CNTN6: variants seen among roughly 807,000 people sequenced by gnomAD.
The protein encoded by CNTN6 is contactin-6.
Under a neutral mutation model 122.8 loss-of-function variants are expected in CNTN6, and 137 were observed. The ratio of observed to expected loss-of-function variants is 1.12; its 90% CI spans 0.97 to 1.29. The LOEUF is 1.29. Among genes scored for constraint, CNTN6 ranks in the 50% most tolerant of loss-of-function variants. The probability of loss-of-function intolerance (pLI) is 0.00; values close to 1 mark genes in which losing one functional copy is unlikely to be tolerated. For synonymous variants in CNTN6, 570 were observed against 426.0 expected (o/e 1.34, Z -4.16); for missense variants, 1,634 against 1,223.4 (o/e 1.34, Z -5.01).
rs547180115 is a variant in CNTN6 at position 1,261,375 on chromosome 3, G to A, written c.359-17038G>A. ...GGTAATTAATTGGTTGTCATTGTGG[G>A]CAATTGTGGCTCAGTACAGCTGAGT... On this transcript the variant is annotated intron_variant, in intron 4 of 22. Coordinates refer to ENST00000446702, the MANE Select transcript of CNTN6 (RefSeq NM_001289080.2). 4.6e-5 allele frequency among the ~76,000 whole-genome samples: 7 copies of A among 152,054 alleles called. No homozygotes were observed. In the South Asian group the frequency reaches 8.3e-4, roughly 18 times the overall value.
At chr3:1,315,076 G>C (rs560080007) in intron 7 of CNTN6, among the ~76,000 whole-genome samples, 1 of 152,122 alleles carries the variant, frequency 6.6e-6, no homozygotes, top group East Asian at 1.9e-4. Flanking sequence ...ACTGATATCT[G>C]TAGTTAAAAT....
intron 2 of CNTN6, among the ~76,000 whole-genome samples, chr3:1,205,661 A>T (rs35788907): frequency 0.16 from 25,060 of 152,220 alleles, 2,155 homozygotes; most frequent in Middle Eastern, 0.23. Flanking sequence ...CAAAATCATC[A>T]ATTTCAAAGA....
chr3:1,365,286 G>A (rs1708053403), intron 12 of CNTN6, among the ~76,000 whole-genome samples: 1 of 151,916 alleles, frequency 6.6e-6, no homozygotes, highest in Admixed American at 6.6e-5. Flanking sequence ...ATATCAGAAT[G>A]TATCTTTAAA....
intron 2 of CNTN6, among the ~76,000 whole-genome samples, chr3:1,211,075 C>T (rs2094030213): frequency 6.6e-6 from 1 of 152,208 alleles, no homozygotes. Context: ...CCCCAACTCA[C>T]ACTAATGGAA....
At chr3:1,287,933 G>C (rs1287501425) in intron 5 of CNTN6, among the ~76,000 whole-genome samples, 1 of 152,158 alleles carries the variant, frequency 6.6e-6, no homozygotes, top group African/African-American at 2.4e-5. Flanking sequence ...AAAATAGCCA[G>C]CTCTGAAGTA....
At chr3:1,287,174 C>G (rs1351967741) in intron 5 of CNTN6, among the ~76,000 whole-genome samples, 1 of 152,082 alleles carries the variant, frequency 6.6e-6, no homozygotes, top group East Asian at 1.9e-4. Context: ...AGAAAATTAA[C>G]AACGATATTC....
intron 2 of CNTN6, among the ~76,000 whole-genome samples, chr3:1,178,747 A>G (rs2093499738): frequency 6.6e-6 from 1 of 152,170 alleles, no homozygotes; most frequent in South Asian, 2.1e-4. Context: ...AAGTTTGAGC[A>G]ATGTAGTCAG....
Position 1,383,409 on chromosome 3 carries a change from G to C in CNTN6, c.2517+1G>C. 6.2e-7 allele frequency: 1 copy of C among 1,610,118 alleles called. No individual in the cohort carries two copies. The highest frequency in any genetic ancestry group is 2.2e-5 in the East Asian group (1 of 44,850). ...CACTGGAAGAGTGCTGGGCTATGAG[G>C]TAATCCACATTAATTTCACTTTTGC... On this transcript the variant is annotated splice_donor_variant, in intron 19 of 22. Coordinates refer to ENST00000446702, the MANE Select transcript of CNTN6 (RefSeq NM_001289080.2). LOFTEE classifies it high-confidence loss of function.
intron 11 of CNTN6, among the ~76,000 whole-genome samples, chr3:1,350,981 C>A (rs1179746563): frequency 6.6e-6 from 1 of 151,692 alleles, no homozygotes; most frequent in East Asian, 1.9e-4. Flanking sequence ...GGATCTAGTA[C>A]ACTAGACATC....
At position 1,291,564 on chromosome 3, in the gene CNTN6, G is replaced by A. The variant is rs560880374; in HGVS notation, c.455-4037G>A. ...ATAAGGATCCGTAAGCTGAGACATG[G>A]CCCTGGGAATTTGCTCAAGATTGTC... On this transcript the variant is annotated intron_variant, in intron 5 of 22. Coordinates refer to ENST00000446702, the MANE Select transcript of CNTN6 (RefSeq NM_001289080.2). Among the ~76,000 whole-genome samples, 256 of 152,284 alleles carry A rather than the reference G, an allele frequency of 1.7e-3. 1 individual carries two copies. The highest frequency in any genetic ancestry group is 2.6e-3 in the Non-Finnish European group (177 of 68,016).
intron 1 of CNTN6, among the ~76,000 whole-genome samples, chr3:1,139,728 C>T (rs2092565805): frequency 6.6e-6 from 1 of 152,100 alleles, no homozygotes; most frequent in Non-Finnish European, 1.5e-5. Flanking sequence ...ATCATCAGAA[C>T]AAATTTGTAG....
At chr3:1,302,044 ACACT>A (rs1697520970) in intron 7 of CNTN6, among the ~76,000 whole-genome samples, 1 of 152,226 alleles carries the variant, frequency 6.6e-6, no homozygotes, top group African/African-American at 2.4e-5. Flanking sequence ...AAAAGGCGAC[ACACT>A]CACTAGAAGA....
At chr3:1,194,459 A>C (rs1032023134) in intron 2 of CNTN6, among the ~76,000 whole-genome samples, 2 of 152,118 alleles carry the variant, frequency 1.3e-5, no homozygotes, top group East Asian at 1.9e-4. Context: ...TTTACATATA[A>C]ATCAGAAAAA....
At position 1,129,384 on chromosome 3, in the gene CNTN6, G is replaced by A. The variant is rs138900662; in HGVS notation, c.-82-18543G>A. Among the ~76,000 whole-genome samples the A allele has an allele frequency of 1.2e-3, 175 of 152,096 alleles. 1 individual carries two copies. The highest frequency in any genetic ancestry group is 1.8e-3 in the Non-Finnish European group (125 of 67,968). On this transcript the variant is annotated intron_variant, in intron 1 of 22. Coordinates refer to ENST00000446702, the MANE Select transcript of CNTN6 (RefSeq NM_001289080.2). ...CAGGCGACTTGAGAAATTTGATCCC[G>A]TTGGTGTGACCAAAATTTCCAAGTG...
chr3:1,326,241 C>A (rs895604911), intron 9 of CNTN6, among the ~76,000 whole-genome samples: 1 of 151,838 alleles, frequency 6.6e-6, no homozygotes, highest in Non-Finnish European at 1.5e-5. Context: ...ATCATCGACA[C>A]GGATAACACT....
chr3:1,259,754 A>G (rs984481483), intron 4 of CNTN6, among the ~76,000 whole-genome samples: 3 of 152,146 alleles, frequency 2.0e-5, no homozygotes, highest in Non-Finnish European at 4.4e-5. Flanking sequence ...CTATATCTAC[A>G]TCAAAATTAT....
rs1350073968 is a variant in CNTN6 at position 1,245,271 on chromosome 3, ATATACACACAC to A, written c.358+17279_358+17289del. On this transcript the variant is annotated intron_variant, in intron 4 of 22. Transcript: ENST00000446702. ...ATATATATATAACATATATATATAT[ATATACACACAC>A]ATATATATATAACATATATATATAT... Among the ~76,000 whole-genome samples, 5 of 8,354 alleles carry A rather than the reference ATATACACACAC, an allele frequency of 6.0e-4. 1 individual carries two copies. The highest frequency in any genetic ancestry group is 1.3e-3 in the Admixed American group (1 of 772). 5.5% of individuals were successfully genotyped at this position (8,354 alleles called of 152,430 possible).
chr3:1,384,424 G>A (rs1026230652), intron 19 of CNTN6, among the ~76,000 whole-genome samples: 1 of 151,648 alleles, frequency 6.6e-6, no homozygotes, highest in Non-Finnish European at 1.5e-5. Flanking sequence ...AGGCAGTTAA[G>A]TAATGAAAAA....
At chr3:1,134,701 GTT>G (rs2092428203) in intron 1 of CNTN6, among the ~76,000 whole-genome samples, 1 of 151,678 alleles carries the variant, frequency 6.6e-6, no homozygotes, top group African/African-American at 2.4e-5. Context: ...GTTTTGTTTT[GTT>G]TTGTTTTGTT....
Sources: gnomAD v4.1 joint callset for allele counts (sites outside exome capture counted in the v4.1 genomes callset) on GRCh38, gnomAD v4.1.1 for gene constraint, MANE v1.5 for transcripts, NCBI Gene and HGNC (gene_info 2026-07-23, HGNC 2026-07-21) for gene names.